The following KLKB1 variants were observed in gnomAD, a reference collection of about 807,000 sequenced individuals.
KLKB1 encodes kallikrein B1.
In KLKB1, 58 loss-of-function variants were observed where a neutral mutation model predicts 73.6. That is an observed-to-expected ratio of 0.79 (90% CI 0.64 to 0.98). The LOEUF is 0.98. Among genes scored for constraint, KLKB1 ranks in the 50% least tolerant of loss-of-function variants. The pLI is 0.00. For missense variants in KLKB1, 737 were observed against 763.8 expected, an observed-to-expected ratio of 0.96 and a Z score of 0.41; for synonymous variants, 280 against 258.1, an observed-to-expected ratio of 1.08 and a Z score of -0.81.
intron 6 of KLKB1, among the ~76,000 whole-genome samples, chr4:186,239,782 T>C (rs1737916540): frequency 7.1e-6 from 1 of 141,156 alleles, no homozygotes; most frequent in East Asian, 2.2e-4. Context: ...GGTACAGTGA[T>C]ATAGGACAGT....
rs1022727168 is a variant in KLKB1 at position 186,233,859 on chromosome 4, C to G, written c.222-93C>G. ...GGAAGCTATATTATTTTCCTTATTC[C>G]TGGTTTTATTTGTTAGTGTGTAGAA... On this transcript the variant is annotated intron_variant, in intron 3 of 14. Coordinates refer to ENST00000264690, the MANE Select transcript of KLKB1 (RefSeq NM_000892.5). The G allele has an allele frequency of 3.4e-6, 3 of 888,434 alleles. No individual in the cohort carries two copies. In the African/African-American group the frequency reaches 5.0e-5, roughly 15 times the overall value. 55.0% of individuals were successfully genotyped at this position (888,434 alleles called of 1,614,324 possible).
chr4:186,250,933 CT>C (rs759447523), intron 7 of KLKB1: 52 of 428,076 alleles, frequency 1.2e-4, no homozygotes, highest in Middle Eastern at 1.3e-3. Flanking sequence ...AGAATTTGTT[CT>C]TTGATTTTTT....
rs752298362 is a variant in KLKB1 at position 186,252,060 on chromosome 4, C to G, written c.1188C>G (p.Asn396Lys). The G allele has an allele frequency of 1.2e-6, 2 of 1,614,034 alleles. No homozygotes were observed. Among genetic ancestry groups the G allele is most frequent in the African/African-American group, 2.7e-5 (2 of 74,956 alleles). The stretch of plus-strand genomic sequence containing the variant: ...GCACACGCATTGTTGGAGGAACAAA[C>G]TCTTCTTGGGGAGAGTGGCCCTGGC... Reference protein sequence around the residue: ...KTSTRIVGGTNSSWGEWPWQV... With the variant: ...KTSTRIVGGTKSSWGEWPWQV... The change falls in exon 11 of 15, where the codon AAC (asparagine) becomes AAG (lysine). Residue 396 changes from asparagine to lysine, a missense_variant. By Grantham distance (94) the Asn-to-Lys change is moderately conservative. Coordinates refer to ENST00000264690, the MANE Select transcript of KLKB1 (RefSeq NM_000892.5).
At chr4:186,223,636 G>A (rs1737078929), upstream of KLKB1, among the ~76,000 whole-genome samples, 1 of 152,118 alleles carries the variant, frequency 6.6e-6, no homozygotes, top group Non-Finnish European at 1.5e-5. Context: ...AATATAACCT[G>A]GCTTTTTCTG....
rs1211354854 is a variant in KLKB1, at chr4:186,246,457, A to C, written c.599-3786A>C. On this transcript the variant is annotated intron_variant, in intron 6 of 14. Transcript: ENST00000264690. ...CCTCAGACCGTTTGCCCATTTTATG[A>C]CAAGAATTATCTAGATCTTGTAGGA... is the stretch of plus-strand genomic sequence containing the variant. 2.0e-5 allele frequency among the ~76,000 whole-genome samples: 3 copies of C among 152,202 alleles called. No individual in the cohort carries two copies. In the East Asian group the frequency reaches 5.8e-4, roughly 29 times the overall value.
chr4:186,220,144 T>C (rs1737001236), intron 2 of KLKB1, among the ~76,000 whole-genome samples: 2 of 152,012 alleles, frequency 1.3e-5, no homozygotes, highest in African/African-American at 4.8e-5. Context: ...AAAATTTTGC[T>C]AGTGGATAGC....
chr4:186,219,747 A>AGG (rs1454360674), intron 2 of KLKB1, among the ~76,000 whole-genome samples: 2 of 152,224 alleles, frequency 1.3e-5, no homozygotes, highest in Non-Finnish European at 2.9e-5. Flanking sequence ...GGAGTGACCC[A>AGG]AACATTCATT....
At chr4:186,214,630 A>G (rs943214147) in intron 2 of KLKB1, among the ~76,000 whole-genome samples, 1 of 152,236 alleles carries the variant, frequency 6.6e-6, no homozygotes, top group Non-Finnish European at 1.5e-5. Context: ...AACCTAACAC[A>G]TCAGTCTAGT....
At chr4:186,218,175 G>T (rs900374938) in intron 2 of KLKB1, among the ~76,000 whole-genome samples, 7 of 152,208 alleles carry the variant, frequency 4.6e-5, no homozygotes, top group Admixed American at 4.6e-4. Context: ...TGCATTTCCT[G>T]AATTGGGTGG....
chr4:186,235,098 T>A (rs1489929426), intron 4 of KLKB1, among the ~76,000 whole-genome samples: 2 of 152,220 alleles, frequency 1.3e-5, no homozygotes, highest in East Asian at 3.8e-4. Context: ...ATGCCTTCAT[T>A]ATAAATGTGG....
At chr4:186,215,461 T>G (rs1736875115) in intron 2 of KLKB1, among the ~76,000 whole-genome samples, 1 of 151,886 alleles carries the variant, frequency 6.6e-6, no homozygotes, top group Non-Finnish European at 1.5e-5. Flanking sequence ...TTTCCTTTTT[T>G]TTTTTCTATA....
intron 2 of KLKB1, chr4:186,210,892 A>C: frequency 2.4e-6 from 1 of 413,912 alleles, no homozygotes; most frequent in South Asian, 2.3e-5. Flanking sequence ...GGAGGAGTGC[A>C]GTGGTGTGAT....
chr4:186,249,251 TG>T (rs1271923179), intron 6 of KLKB1, among the ~76,000 whole-genome samples: 1 of 152,230 alleles, frequency 6.6e-6, no homozygotes, highest in Non-Finnish European at 1.5e-5. Context: ...TGAAGATTTT[TG>T]CTTATGATTT....
At chr4:186,252,221 T>C (rs1435714056) in intron 11 of KLKB1, 36 bp downstream of exon 11, 1 of 1,606,358 alleles carries the variant, frequency 6.2e-7, no homozygotes, top group Non-Finnish European at 8.5e-7. Flanking sequence ...GAGTCTTATC[T>C]TGGCTTTTCA....
In KLKB1 at chr4:186,256,069, G is replaced by T; in HGVS notation, c.1567G>T (p.Gly523Cys). 1 of 1,609,368 alleles carries T rather than the reference G, an allele frequency of 6.2e-7. No individual in the cohort carries two copies. The highest frequency in any genetic ancestry group is 8.5e-7 in the Non-Finnish European group (1 of 1,175,762). ...TACCAACTGTTGGGTAACCGGATGG[G>T]GCTTCTCGAAGGAGAAAGGTAAGCA... Reference protein sequence around the residue: ...IYTNCWVTGWGFSKEKGEIQN... With the variant: ...IYTNCWVTGWCFSKEKGEIQN... Residue 523 changes from glycine to cysteine, a missense_variant, in exon 13 of 15, where the codon GGC (glycine) becomes TGC (cysteine). Gly to Cys is a radical substitution (Grantham distance 159, BLOSUM62 -3). Transcript: ENST00000264690.
intron 2 of KLKB1, among the ~76,000 whole-genome samples, chr4:186,219,048 A>G (rs952180057): frequency 7.9e-5 from 12 of 152,218 alleles, no homozygotes; most frequent in African/African-American, 2.9e-4. Flanking sequence ...CATCCAGCAC[A>G]GGAGAAAGAT....
chr4:186,236,526 C>G (rs942490464), intron 4 of KLKB1, among the ~76,000 whole-genome samples: 9 of 152,286 alleles, frequency 5.9e-5, no homozygotes, highest in African/African-American at 1.7e-4. Flanking sequence ...TTGCTGCATG[C>G]ATCTTGCAGT....
intron 2 of KLKB1, among the ~76,000 whole-genome samples, chr4:186,214,214 T>G (rs1269520370): frequency 1.3e-5 from 2 of 152,156 alleles, no homozygotes; most frequent in African/African-American, 4.8e-5. Flanking sequence ...GCAGAAGAAA[T>G]GGACAGAATC....
In KLKB1 at chr4:186,232,142, T is replaced by A; in HGVS notation, c.74T>A (p.Leu25His). 6.2e-7 allele frequency: 1 copy of A among 1,612,124 alleles called. No homozygotes were observed. The highest frequency in any genetic ancestry group is 8.5e-7 in the Non-Finnish European group (1 of 1,178,730). ...TCTGTCACAGGATGTCTGACTCAAC[T>A]CTATGAAAACGCCTTCTTCAGAGGT... ...ATVSCGCLTQ[L>H]YENAFFRGGD... Residue 25 changes from leucine (L) to histidine (H), a missense_variant, in exon 3 of 15, where the codon CTC becomes CAC. Physicochemically the swap from Leu to His is moderately conservative, Grantham distance 99. Coordinates refer to ENST00000264690, the MANE Select transcript of KLKB1 (RefSeq NM_000892.5).
Sources: gnomAD v4.1 joint callset for allele counts (sites outside exome capture counted in the v4.1 genomes callset) on GRCh38, gnomAD v4.1.1 for gene constraint, MANE v1.5 for transcripts, NCBI Gene and HGNC (gene_info 2026-07-23, HGNC 2026-07-21) for gene names.